The following EXOC1 variants were observed in gnomAD, a reference collection of about 807,000 sequenced individuals.
The protein encoded by EXOC1 is SEC3-like 1.
A neutral mutation model predicts 107.7 loss-of-function variants in EXOC1; 67 were observed. The ratio of observed to expected loss-of-function variants is 0.62; its 90% CI spans 0.51 to 0.76. The LOEUF (loss-of-function observed/expected upper bound fraction) is 0.76. EXOC1 is among the 30% of genes least tolerant of loss of function. EXOC1 has a pLI of 0.00. For synonymous variants in EXOC1, 348 were observed against 353.5 expected (o/e 0.98, Z 0.17); for missense variants, 833 against 1,055.7 (o/e 0.79, Z 2.92).
At chr4:55,894,302 G>A (rs969619080) in intron 15 of EXOC1, among the ~76,000 whole-genome samples, 5 of 149,166 alleles carry the variant, frequency 3.4e-5, no homozygotes, top group African/African-American at 1.2e-4. Context: ...TCCAGCCTGG[G>A]TGACAAGAGT....
chr4:55,877,987 A>G lies in EXOC1; in HGVS notation c.1145A>G (p.His382Arg), dbSNP rs1399369814. 3.7e-6 allele frequency: 6 copies of G among 1,613,796 alleles called. No individual in the cohort carries two copies. Among genetic ancestry groups the G allele is most frequent in the Middle Eastern group, 3.3e-4 (2 of 6,080 alleles). ...ACTTTACCCAATCATCATCCATTTCATAGAGATTTGCTCCGATATGCCAAG... is the reference window on the plus strand; with the variant it reads ...ACTTTACCCAATCATCATCCATTTCGTAGAGATTTGCTCCGATATGCCAAG... ...ELTLPNHHPF[H>R]RDLLRYAKLM... Residue 382 changes from histidine to arginine, a missense_variant, in exon 9 of 19, where the codon CAT (histidine) becomes CGT (arginine). Around this residue, in one of 2 missense-constraint regions of EXOC1, gnomAD observed 617 missense variants for 701.3 expected, o/e 0.88. Coordinates refer to ENST00000381295, the MANE Select transcript of EXOC1 (RefSeq NM_001024924.2).
At chr4:55,859,039 TA>T (rs1721238010) in intron 2 of EXOC1, among the ~76,000 whole-genome samples, 2 of 152,208 alleles carry the variant, frequency 1.3e-5, no homozygotes, top group South Asian at 4.1e-4. Context: ...AGTTTAGTCT[TA>T]GTTCACCTGT....
At chr4:55,864,548 A>G (rs1721780752) in intron 4 of EXOC1, among the ~76,000 whole-genome samples, 162 bp downstream of exon 4, 1 of 152,216 alleles carries the variant, frequency 6.6e-6, no homozygotes. Flanking sequence ...ATTGTAGAAT[A>G]TTAATACATT....
At chr4:55,864,663 TAAAG>T (rs1020387482) in intron 4 of EXOC1, among the ~76,000 whole-genome samples, 12 of 152,324 alleles carry the variant, frequency 7.9e-5, no homozygotes, top group African/African-American at 2.2e-4. Context: ...CTTTTTAAGA[TAAAG>T]AAATTTACAT....
At chr4:55,895,580 T>A (rs1443378183) in intron 15 of EXOC1, among the ~76,000 whole-genome samples, 2 of 152,198 alleles carry the variant, frequency 1.3e-5, no homozygotes, top group Non-Finnish European at 2.9e-5. Flanking sequence ...TCATATGGTT[T>A]TTGAGTTATA....
chr4:55,897,014 G>T, intron 16 of EXOC1, 114 bp downstream of exon 16: 1 of 799,600 alleles, frequency 1.3e-6, no homozygotes, highest in Non-Finnish European at 1.8e-6. Flanking sequence ...ATCTTTTTTA[G>T]GTTTTCTAAC....
chr4:55,877,819 G>A, intron 8 of EXOC1, 98 bp from the exon 9 acceptor site: 1 of 1,524,928 alleles, frequency 6.6e-7, no homozygotes, highest in South Asian at 1.2e-5. Flanking sequence ...TGTCTTATTG[G>A]TTTGGCTTGG....
At chr4:55,866,798 C>A in intron 4 of EXOC1, 1 of 896,750 alleles carries the variant, frequency 1.1e-6, no homozygotes, top group Non-Finnish European at 1.3e-6. Context: ...AAAATTTAAG[C>A]CTGTTTACTT....
chr4:55,884,442 C>T (rs1221639431), intron 10 of EXOC1, among the ~76,000 whole-genome samples: 2 of 152,242 alleles, frequency 1.3e-5, no homozygotes, highest in East Asian at 1.9e-4. Flanking sequence ...GGCTATAAAA[C>T]TGTCACCAAA....
At chr4:55,875,297 A>G (rs1405765251) in intron 8 of EXOC1, among the ~76,000 whole-genome samples, 2 of 152,222 alleles carry the variant, frequency 1.3e-5, no homozygotes, top group Admixed American at 1.3e-4. Context: ...ATCTCTGGTT[A>G]AAAGCTTAGA....
intron 4 of EXOC1, among the ~76,000 whole-genome samples, chr4:55,865,232 A>AT (rs1034360213): frequency 2.0e-5 from 3 of 152,214 alleles, no homozygotes; most frequent in Non-Finnish European, 4.4e-5. Flanking sequence ...ACTATGCATC[A>AT]TTTTGTGTTA....
chr4:55,880,431 AT>A (rs952716452), intron 9 of EXOC1, among the ~76,000 whole-genome samples: 19 of 152,100 alleles, frequency 1.2e-4, no homozygotes, highest in African/African-American at 4.6e-4. Context: ...GTTGTGTTAT[AT>A]TTTCTTTTGT....
chr4:55,879,386 C>G (rs928613322), intron 9 of EXOC1, among the ~76,000 whole-genome samples: 2 of 152,122 alleles, frequency 1.3e-5, no homozygotes, highest in Non-Finnish European at 2.9e-5. Context: ...GTGCAAGTGC[C>G]CTAAGGCAGA....
At chr4:55,877,463 C>G (rs993289352) in intron 8 of EXOC1, 6 of 984,908 alleles carry the variant, frequency 6.1e-6, no homozygotes, top group Non-Finnish European at 7.2e-6. Flanking sequence ...TTATATTCTA[C>G]TTTTTTTTAT....
At chr4:55,860,645 G>T in intron 3 of EXOC1, 104 bp downstream of exon 3, 4 of 1,359,712 alleles carry the variant, frequency 2.9e-6, no homozygotes, top group African/African-American at 1.5e-5. Flanking sequence ...TAATATATAT[G>T]TTTGTTTTCT....
In EXOC1 at chr4:55,904,386, A is replaced by C. The variant is rs1336280771; in HGVS notation, c.2576A>C (p.Lys859Thr). The C allele has an allele frequency of 6.2e-7, 1 of 1,612,236 alleles. No individual in the cohort carries two copies. The highest frequency in any genetic ancestry group is 8.5e-7 in the Non-Finnish European group (1 of 1,179,604). Residue 859 changes from lysine to threonine, a missense_variant, in exon 19 of 19, where the codon AAG becomes ACG. By Grantham distance (78) the Lys-to-Thr change is moderately conservative (BLOSUM62 -1). This residue lies in a region of EXOC1 where 216 missense variants were observed against 354.4 expected (regional missense o/e 0.61). Transcript: ENST00000381295. ...SMQDEFIRQY[K>T]HFEGLIARCY... ...CAAGATGAATTTATACGCCAGTATA[A>C]GCACTTTGAAGGTTTGATAGCTCGC... is the stretch of plus-strand genomic sequence containing the variant.
In EXOC1 at chr4:55,890,479, C is replaced by G; in HGVS notation, c.1539+93C>G. The G allele has an allele frequency of 4.1e-6, 4 of 964,918 alleles. No individual in the cohort carries two copies. In the South Asian group the frequency reaches 4.9e-5, roughly 12 times the overall value. The allele number at this position is 964,918 out of a possible 1,614,324, so 59.8% of individuals were successfully genotyped here. A position where few individuals can be genotyped will look rare whatever the true frequency, so the allele number is the denominator to read the frequency against. On this transcript the variant is annotated intron_variant, in intron 12 of 18. Coordinates refer to ENST00000381295, the MANE Select transcript of EXOC1 (RefSeq NM_001024924.2). ...CTAAGTGTGTTCAAAGATTTGGGTT[C>G]TTCTGGCTCTCTTAAGCATTAACCA...
At chr4:55,874,005 A>G (rs933228536) in intron 8 of EXOC1, among the ~76,000 whole-genome samples, 2 of 152,164 alleles carry the variant, frequency 1.3e-5, no homozygotes, top group Non-Finnish European at 2.9e-5. Context: ...AGGAGTTAAG[A>G]CTAATGTACA....
chr4:55,877,180 A>G, intron 8 of EXOC1: 1 of 984,172 alleles, frequency 1.0e-6, no homozygotes, highest in Non-Finnish European at 1.2e-6. Flanking sequence ...TATGATACAC[A>G]TTCATAATTA....
Sources: allele counts gnomAD v4.1 joint callset (sites outside exome capture counted in the v4.1 genomes callset), GRCh38; gene constraint gnomAD v4.1.1; regional missense constraint gnomAD v4.1.1; transcripts MANE v1.5; gene names NCBI Gene and HGNC (gene_info 2026-07-23, HGNC 2026-07-21).